SUCO: variants seen among roughly 807,000 people sequenced by gnomAD.
SUCO encodes SUN domain-containing ossification factor.
A neutral mutation model predicts 148.1 loss-of-function variants in SUCO; 57 were observed. That is an observed-to-expected ratio of 0.38 (90% CI 0.31 to 0.48). SUCO has a LOEUF of 0.48. SUCO is among the 20% of genes least tolerant of loss of function. The pLI is 0.96. For missense variants in SUCO, 1,331 were observed against 1,468.2 expected, an observed-to-expected ratio of 0.91 and a Z score of 1.53; for synonymous variants, 470 against 502.7, an observed-to-expected ratio of 0.93 and a Z score of 0.87.
chr1:172,556,132 T>C, intron 4 of SUCO, 109 bp downstream of exon 4: 1 of 760,126 alleles, frequency 1.3e-6, no homozygotes, highest in Non-Finnish European at 2.1e-6. Flanking sequence ...GTTTAGGCTA[T>C]ATAGCAGACC....
intron 17 of SUCO, chr1:172,588,179 G>C: frequency 2.0e-6 from 2 of 985,268 alleles, no homozygotes; most frequent in Middle Eastern, 5.2e-4. Context: ...GTGTGTGTGT[G>C]CGTTGTGTGT....
At chr1:172,570,254 T>C in intron 8 of SUCO, 83 bp downstream of exon 8, 1 of 755,034 alleles carries the variant, frequency 1.3e-6, no homozygotes, top group Non-Finnish European at 2.0e-6. Flanking sequence ...CTGGGAACTA[T>C]ATTTTAATGT....
intron 19 of SUCO, among the ~76,000 whole-genome samples, chr1:172,597,196 C>T (rs1470850769): frequency 6.6e-6 from 1 of 152,254 alleles, no homozygotes; most frequent in Non-Finnish European, 1.5e-5. Flanking sequence ...CACAGCTTCC[C>T]TTGGCTAGGA....
intron 18 of SUCO, chr1:172,590,177 TTATC>T (rs1271300377): frequency 1.2e-4 from 34 of 282,938 alleles, no homozygotes; most frequent in South Asian, 1.4e-4. Flanking sequence ...CAAGTTTGAA[TTATC>T]TATACTCACT....
At chr1:172,579,774 G>T (rs1008381816) in intron 15 of SUCO, among the ~76,000 whole-genome samples, 1 of 152,038 alleles carries the variant, frequency 6.6e-6, no homozygotes, top group Non-Finnish European at 1.5e-5. Context: ...CAACCTAGTG[G>T]TAGGCTCACT....
At position 172,541,313 on chromosome 1, in the gene SUCO, C is replaced by G. The variant is rs145508026; in HGVS notation, c.62+7816C>G. Reference sequence around the variant, plus strand: ...TATGCATAGATGTTTTAAATCATCTCTAGATATTTTAAATCACCTCTAGAT... The same window carrying G: ...TATGCATAGATGTTTTAAATCATCTGTAGATATTTTAAATCACCTCTAGAT... On this transcript the variant is annotated intron_variant, in intron 1 of 23. Transcript: ENST00000263688. Among the ~76,000 whole-genome samples, 471 of 152,134 alleles carry G rather than the reference C, an allele frequency of 3.1e-3. 1 individual carries two copies. The highest frequency in any genetic ancestry group is 0.011 in the African/African-American group (450 of 41,486).
intron 4 of SUCO, chr1:172,556,832 A>G (rs957581427): frequency 7.2e-6 from 6 of 830,356 alleles, no homozygotes; most frequent in Non-Finnish European, 7.3e-6. Context: ...TACTCCCATT[A>G]TATTAAAAAT....
At chr1:172,568,722 T>C (rs1416671308) in intron 6 of SUCO, among the ~76,000 whole-genome samples, 1 of 152,174 alleles carries the variant, frequency 6.6e-6, no homozygotes, top group African/African-American at 2.4e-5. Flanking sequence ...TTGTACAGGC[T>C]ATATATGAGT....
intron 10 of SUCO, among the ~76,000 whole-genome samples, chr1:172,574,586 TTAA>T (rs1245550125): frequency 6.6e-6 from 1 of 152,108 alleles, no homozygotes; most frequent in East Asian, 1.9e-4. Context: ...CACTTATTTA[TTAA>T]TTCTATAAAA....
chr1:172,568,318 ATC>A, intron 6 of SUCO: 1 of 237,230 alleles, frequency 4.2e-6, no homozygotes, highest in Non-Finnish European at 5.6e-6. Context: ...CACCCACCCC[ATC>A]CCCTTATTTG....
intron 19 of SUCO, among the ~76,000 whole-genome samples, chr1:172,594,028 A>G (rs1656884127): frequency 6.6e-6 from 1 of 152,102 alleles, no homozygotes; most frequent in African/African-American, 2.4e-5. Context: ...CCAGGAATTT[A>G]TCCATTTCTT....
intron 15 of SUCO, 68 bp downstream of exon 15, chr1:172,579,335 C>A: frequency 1.0e-6 from 1 of 999,528 alleles, no homozygotes; most frequent in Non-Finnish European, 1.6e-6. Context: ...GACATTTTGT[C>A]ATGGTATGGT....
intron 15 of SUCO, among the ~76,000 whole-genome samples, chr1:172,581,623 C>T (rs1655891212): frequency 6.6e-6 from 1 of 152,136 alleles, no homozygotes; most frequent in Non-Finnish European, 1.5e-5. Context: ...ATTCAAAGAA[C>T]TGGTCTTTGG....
intron 1 of SUCO, chr1:172,550,703 T>C (rs111837283): frequency 2.5e-5 from 4 of 161,622 alleles, no homozygotes; most frequent in African/African-American, 7.2e-5. Flanking sequence ...TAATACTGAC[T>C]TTTAGTTTTA....
chr1:172,587,190 TA>T (rs1431502861), intron 17 of SUCO, among the ~76,000 whole-genome samples: 10 of 152,220 alleles, frequency 6.6e-5, no homozygotes, highest in South Asian at 4.1e-4. Flanking sequence ...TTTTAATAGA[TA>T]TTTTTGCATA....
At chr1:172,534,115 A>G (rs1398887671) in intron 1 of SUCO, among the ~76,000 whole-genome samples, 2 of 152,110 alleles carry the variant, frequency 1.3e-5, no homozygotes, top group South Asian at 2.1e-4. Context: ...TAGTGTGTGT[A>G]GTAGTTTTTG....
intron 1 of SUCO, among the ~76,000 whole-genome samples, chr1:172,539,527 A>G (rs944279951): frequency 1.3e-5 from 2 of 150,652 alleles, no homozygotes; most frequent in African/African-American, 2.4e-5. Context: ...TTAGGACTTT[A>G]TAATTAATTG....
At chr1:172,601,249 G>T (rs1571291824) in intron 20 of SUCO, among the ~76,000 whole-genome samples, 2 of 152,252 alleles carry the variant, frequency 1.3e-5, no homozygotes, top group East Asian at 3.9e-4. Flanking sequence ...CAGCGCTTTG[G>T]GTGGCCCAGG....
chr1:172,557,817 C>T (rs374252593), intron 6 of SUCO, 23 bp downstream of exon 6: 47 of 1,535,760 alleles, frequency 3.1e-5, no homozygotes, highest in Admixed American at 4.4e-5. Context: ...CTTGCACTAT[C>T]TCTTACTTCT....
Sources: gnomAD v4.1 joint callset for allele counts (sites outside exome capture counted in the v4.1 genomes callset) on GRCh38, gnomAD v4.1.1 for gene constraint, MANE v1.5 for transcripts, NCBI Gene and HGNC (gene_info 2026-07-23, HGNC 2026-07-21) for gene names.